CACNB2: variants seen among roughly 807,000 people sequenced by gnomAD.
CACNB2 encodes calcium voltage-gated channel auxiliary subunit beta 2.
In CACNB2, 42 loss-of-function variants were observed where a neutral mutation model predicts 73.3. The ratio of observed to expected loss-of-function variants is 0.57; its 90% CI spans 0.45 to 0.74. The LOEUF (loss-of-function observed/expected upper bound fraction) is 0.74, where lower values mean the gene tolerates loss of function less well. Ranked by LOEUF, CACNB2 falls within the 30% of genes least tolerant of loss-of-function variation. The pLI is 0.00. For synonymous variants in CACNB2, 348 were observed against 310.3 expected (o/e 1.12, Z -1.28); for missense variants, 940 against 853.0 (o/e 1.10, Z -1.27).
At chr10:18,477,310 T>C (rs2048490998) in intron 3 of CACNB2, among the ~76,000 whole-genome samples, 1 of 152,188 alleles carries the variant, frequency 6.6e-6, no homozygotes, top group South Asian at 2.1e-4. Flanking sequence ...TGCATCTTGT[T>C]TTATCAGCAA....
intron 3 of CACNB2, among the ~76,000 whole-genome samples, chr10:18,445,715 C>T (rs549777546): frequency 1.2e-4 from 18 of 152,222 alleles, no homozygotes; most frequent in African/African-American, 2.9e-4. Flanking sequence ...AATTTATGAC[C>T]GGGGCACCAG....
intron 2 of CACNB2, among the ~76,000 whole-genome samples, chr10:18,370,928 G>C (rs565105842): frequency 2.9e-4 from 44 of 152,114 alleles, no homozygotes; most frequent in African/African-American, 1.0e-3. Flanking sequence ...TATGTCACAT[G>C]GTGAACATTC....
intron 2 of CACNB2, among the ~76,000 whole-genome samples, chr10:18,220,212 T>G (rs1260128223): frequency 2.3e-5 from 1 of 42,674 alleles, no homozygotes; most frequent in South Asian, 8.4e-4. Flanking sequence ...TATATATATA[T>G]ATATATATAT....
intron 2 of CACNB2, among the ~76,000 whole-genome samples, chr10:18,235,762 G>A (rs1169610869): frequency 6.6e-6 from 1 of 152,066 alleles, no homozygotes; most frequent in Non-Finnish European, 1.5e-5. Context: ...TGAGGTTTTG[G>A]TTGGTTAGAT....
At chr10:18,522,406 G>T (rs1199234461) in intron 9 of CACNB2, among the ~76,000 whole-genome samples, 1 of 152,162 alleles carries the variant, frequency 6.6e-6, no homozygotes, top group Admixed American at 6.5e-5. Context: ...TGCCAAAAAG[G>T]TTGGGGACTG....
intron 10 of CACNB2, among the ~76,000 whole-genome samples, chr10:18,532,498 C>T (rs969800399): frequency 4.0e-5 from 6 of 151,872 alleles, no homozygotes; most frequent in South Asian, 2.1e-4. Flanking sequence ...CATGGTGAAA[C>T]GCCATCTCTA....
intron 3 of CACNB2, among the ~76,000 whole-genome samples, chr10:18,456,005 A>T (rs2047259548): frequency 6.6e-6 from 1 of 152,204 alleles, no homozygotes; most frequent in Non-Finnish European, 1.5e-5. Flanking sequence ...CACCGGAAAT[A>T]AGATATTTCC....
At chr10:18,516,875 T>C (rs2051336153) in intron 7 of CACNB2, among the ~76,000 whole-genome samples, 1 of 152,290 alleles carries the variant, frequency 6.6e-6, no homozygotes, top group East Asian at 1.9e-4. Flanking sequence ...AAATTAATTC[T>C]GAATGCTAGG....
At chr10:18,470,427 G>A (rs1025958680) in intron 3 of CACNB2, among the ~76,000 whole-genome samples, 3 of 149,760 alleles carry the variant, frequency 2.0e-5, no homozygotes, top group African/African-American at 7.4e-5. Flanking sequence ...AACATATGGT[G>A]TATATTATAT....
At chr10:18,360,481 C>T (rs1009849172) in intron 2 of CACNB2, among the ~76,000 whole-genome samples, 22 of 152,182 alleles carry the variant, frequency 1.4e-4, no homozygotes, top group Admixed American at 1.2e-3. Context: ...GCCTCAGCCT[C>T]ACAAAGTGCT....
chr10:18,143,772 C>G (rs2030679367), intron 1 of CACNB2, among the ~76,000 whole-genome samples: 1 of 152,160 alleles, frequency 6.6e-6, no homozygotes, highest in South Asian at 2.1e-4. Flanking sequence ...CCGAGTAATT[C>G]TACTCAGAAT....
chr10:18,479,338 C>T (rs371641966), intron 3 of CACNB2, among the ~76,000 whole-genome samples: 17 of 152,182 alleles, frequency 1.1e-4, no homozygotes, highest in African/African-American at 4.1e-4. Context: ...TATCTCTTAA[C>T]AGATCTGTGC....
chr10:18,388,233 A>G (rs185451986), intron 2 of CACNB2, among the ~76,000 whole-genome samples: 14 of 152,362 alleles, frequency 9.2e-5, no homozygotes, highest in African/African-American at 2.9e-4. Flanking sequence ...GAAATAGGAT[A>G]TAAACTACTT....
At chr10:18,537,088 A>AGTAATCCTCCCACCTCGGCCCTCCAAG (rs1449945312) in intron 12 of CACNB2, among the ~76,000 whole-genome samples, 1 of 152,056 alleles carries the variant, frequency 6.6e-6, no homozygotes, top group Non-Finnish European at 1.5e-5. Flanking sequence ...CCCGGGCTCA[A>AGTAATCCTCCCACCTCGGCCCTCCAAG]GTAATCCTCC....
intron 2 of CACNB2, among the ~76,000 whole-genome samples, chr10:18,203,637 G>T (rs1009074519): frequency 6.6e-6 from 1 of 152,028 alleles, no homozygotes; most frequent in Non-Finnish European, 1.5e-5. Context: ...AACATAACGG[G>T]GCGAGTGATC....
At chr10:18,400,004 A>G (rs2043909100) in intron 2 of CACNB2, among the ~76,000 whole-genome samples, 3 of 152,228 alleles carry the variant, frequency 2.0e-5, no homozygotes, top group African/African-American at 7.2e-5. Flanking sequence ...AAGTATGGTT[A>G]TAACAATTCA....
chr10:18,242,110 C>CAT (rs10634231), intron 2 of CACNB2, among the ~76,000 whole-genome samples: 122,935 of 150,722 alleles, frequency 0.82, 50,323 homozygotes, highest in African/African-American at 0.87. Context: ...TATATGTATA[C>CAT]ATGTGTGTGT....
chr10:18,194,841 G>C (rs1359739060), intron 2 of CACNB2, among the ~76,000 whole-genome samples: 1 of 152,154 alleles, frequency 6.6e-6, no homozygotes, highest in Non-Finnish European at 1.5e-5. Context: ...CCAGTCATGT[G>C]ACATGGAATA....
At chr10:18,392,018 G>C (rs1364420424) in intron 2 of CACNB2, among the ~76,000 whole-genome samples, 6 of 152,086 alleles carry the variant, frequency 3.9e-5, no homozygotes, top group Non-Finnish European at 8.8e-5. Flanking sequence ...CAATCAATGG[G>C]GGTTACAATT....
Sources: allele counts gnomAD v4.1 joint callset (sites outside exome capture counted in the v4.1 genomes callset), GRCh38; gene constraint gnomAD v4.1.1; transcripts MANE v1.5; gene names NCBI Gene and HGNC (gene_info 2026-07-23, HGNC 2026-07-21).